Variants in ASTN2 observed in about 807,000 individuals in gnomAD.
The protein encoded by ASTN2 is astrotactin 2, also known as astrotactin-2.
A neutral mutation model predicts 139.8 loss-of-function variants in ASTN2; 54 were observed. That is an observed-to-expected ratio of 0.39 (90% CI 0.31 to 0.48). The LOEUF is 0.48. Ranked by LOEUF, ASTN2 falls within the 20% of genes least tolerant of loss-of-function variation. The probability of loss-of-function intolerance (pLI) is 0.95; values close to 1 mark genes in which losing one functional copy is unlikely to be tolerated. For missense variants in ASTN2, 1,565 were observed against 1,725.1 expected, an observed-to-expected ratio of 0.91 and a Z score of 1.64; for synonymous variants, 756 against 719.5, an observed-to-expected ratio of 1.05 and a Z score of -0.81.
At chr9:116,797,298 G>C (rs778001669) in intron 13 of ASTN2, among the ~76,000 whole-genome samples, 1 of 152,130 alleles carries the variant, frequency 6.6e-6, no homozygotes, top group Admixed American at 6.5e-5. Context: ...AAAAAAGAAA[G>C]TTAGCTTTCT....
At chr9:116,691,176 C>T (rs803939) in intron 16 of ASTN2, among the ~76,000 whole-genome samples, 79,359 of 152,048 alleles carry the variant, frequency 0.52, 21,868 homozygotes, top group East Asian at 0.87. Flanking sequence ...CTGCTAGTCT[C>T]CCCAAAATTC....
At chr9:117,317,901 C>G (rs376919740) in intron 1 of ASTN2, among the ~76,000 whole-genome samples, 1 of 152,182 alleles carries the variant, frequency 6.6e-6, no homozygotes, top group East Asian at 1.9e-4. Context: ...TGACCCAGGA[C>G]AGAGAGCTGG....
At chr9:117,076,779 A>G (rs975502233) in intron 5 of ASTN2, among the ~76,000 whole-genome samples, 2 of 152,172 alleles carry the variant, frequency 1.3e-5, no homozygotes, top group Non-Finnish European at 2.9e-5. Flanking sequence ...CCCCATCACC[A>G]TGACAACAGC....
intron 1 of ASTN2, among the ~76,000 whole-genome samples, chr9:117,388,568 T>G (rs962874348): frequency 6.6e-6 from 1 of 152,202 alleles, no homozygotes; most frequent in Non-Finnish European, 1.5e-5. Context: ...TATTTGGATA[T>G]TTCTTAAATA....
chr9:116,716,466 C>T (rs2132103569), intron 16 of ASTN2, among the ~76,000 whole-genome samples: 1 of 152,238 alleles, frequency 6.6e-6, no homozygotes, highest in African/African-American at 2.4e-5. Flanking sequence ...ACTGCAATTT[C>T]TAATTGATTG....
intron 5 of ASTN2, among the ~76,000 whole-genome samples, chr9:117,046,453 T>C (rs1838745574): frequency 6.6e-6 from 1 of 152,188 alleles, no homozygotes; most frequent in African/African-American, 2.4e-5. Context: ...AAGCTGTGTG[T>C]TTTAAATAGG....
chr9:117,366,025 A>G (rs545513513), intron 1 of ASTN2, among the ~76,000 whole-genome samples: 1 of 152,274 alleles, frequency 6.6e-6, no homozygotes, highest in South Asian at 2.1e-4. Flanking sequence ...ATCTGCCATT[A>G]TCCAAGGCCT....
chr9:116,736,449 G>C (rs1170469696), intron 13 of ASTN2, among the ~76,000 whole-genome samples: 1 of 152,134 alleles, frequency 6.6e-6, no homozygotes, highest in Admixed American at 6.5e-5. Flanking sequence ...CTTGGGTAGA[G>C]GGTGCTAAAG....
intron 11 of ASTN2, among the ~76,000 whole-genome samples, chr9:116,837,289 G>A (rs541246045): frequency 1.1e-4 from 17 of 152,126 alleles, no homozygotes; most frequent in African/African-American, 1.9e-4. Flanking sequence ...GTGAGAAAGC[G>A]GGGAGTCTAA....
intron 1 of ASTN2, among the ~76,000 whole-genome samples, chr9:117,324,534 C>A (rs1828449441): frequency 6.6e-6 from 1 of 152,188 alleles, no homozygotes; most frequent in Non-Finnish European, 1.5e-5. Flanking sequence ...ATGAGAACAG[C>A]ATGAGGGAAT....
At chr9:117,122,227 T>C (rs1829576105) in intron 4 of ASTN2, among the ~76,000 whole-genome samples, 1 of 152,206 alleles carries the variant, frequency 6.6e-6, no homozygotes, top group African/African-American at 2.4e-5. Context: ...CAAGAAAACA[T>C]GCAGCCATAA....
chr9:116,664,795 AAC>A (rs957701394), intron 16 of ASTN2, among the ~76,000 whole-genome samples: 4 of 152,194 alleles, frequency 2.6e-5, no homozygotes, highest in African/African-American at 4.8e-5. Flanking sequence ...GAATATTCCA[AAC>A]ACAAAATGAT....
chr9:117,305,778 A>G (rs1346251203), intron 1 of ASTN2, among the ~76,000 whole-genome samples: 1 of 152,232 alleles, frequency 6.6e-6, no homozygotes, highest in Non-Finnish European at 1.5e-5. Flanking sequence ...CTGTGTGCAC[A>G]TATCTCATTT....
At chr9:116,448,438 G>A (rs1848073875) in intron 20 of ASTN2, among the ~76,000 whole-genome samples, 2 of 152,206 alleles carry the variant, frequency 1.3e-5, no homozygotes, top group Non-Finnish European at 2.9e-5. Context: ...CCCATCTCCT[G>A]CAGTGAGGGA....
At chr9:117,170,753 G>T (rs922430821) in intron 3 of ASTN2, among the ~76,000 whole-genome samples, 1 of 152,040 alleles carries the variant, frequency 6.6e-6, no homozygotes, top group African/African-American at 2.4e-5. Flanking sequence ...GCAGAAGCAG[G>T]CTTGGCCGTA....
At chr9:117,240,900 C>T (rs184724896) in intron 2 of ASTN2, among the ~76,000 whole-genome samples, 324 of 152,268 alleles carry the variant, frequency 2.1e-3, no homozygotes, top group Non-Finnish European at 3.2e-3. Flanking sequence ...TCATTTTCTG[C>T]ATATTTTGAA....
chr9:117,167,520 A>C (rs1830696553), intron 3 of ASTN2, among the ~76,000 whole-genome samples: 1 of 152,132 alleles, frequency 6.6e-6, no homozygotes, highest in East Asian at 1.9e-4. Context: ...AAACGCTCAA[A>C]ATACTGTGGG....
chr9:116,884,803 G>GCCCCCCC lies in ASTN2; in HGVS notation c.1890-21077_1890-21071dup. 4.7e-3 allele frequency among the ~76,000 whole-genome samples: 328 copies of GCCCCCCC among 69,584 alleles called. 5 individuals are homozygous for GCCCCCCC. Among genetic ancestry groups the GCCCCCCC allele is most frequent in the African/African-American group, 8.9e-3 (133 of 14,876 alleles). 45.6% of individuals were successfully genotyped at this position (69,584 alleles called of 152,430 possible). Reference sequence around the variant, plus strand: ...TGTGCATGTCAATCTCCAAATATCCGCCCCCCCCCCACCCACTTTTTTTTT... The same window carrying GCCCCCCC: ...TGTGCATGTCAATCTCCAAATATCCGCCCCCCCCCCCCCCCCCACCCACTTTTTTTTT... On this transcript the variant is annotated intron_variant, in intron 10 of 22. Coordinates refer to ENST00000313400, the MANE Select transcript of ASTN2 (RefSeq NM_001365068.1).
At chr9:117,159,335 G>A (rs1044367817) in intron 3 of ASTN2, among the ~76,000 whole-genome samples, 1 of 152,042 alleles carries the variant, frequency 6.6e-6, no homozygotes. Flanking sequence ...TGCCAGCATA[G>A]ACTATCCAAC....
Sources: allele counts gnomAD v4.1 joint callset (sites outside exome capture counted in the v4.1 genomes callset), GRCh38; gene constraint gnomAD v4.1.1; transcripts MANE v1.5; gene names NCBI Gene and HGNC (gene_info 2026-07-23, HGNC 2026-07-21).